SLC28A3: variants seen among roughly 807,000 people sequenced by gnomAD.
The protein encoded by SLC28A3 is concentrative Na(+)-nucleoside cotransporter 3.
SLC28A3 carries 68 observed loss-of-function variants against 84.2 expected under a neutral mutation model. The observed-to-expected ratio is 0.81, with a 90% CI of 0.66 to 0.99. The LOEUF is 0.99. Among genes scored for constraint, SLC28A3 ranks in the 50% least tolerant of loss-of-function variants. The pLI is 0.00. For synonymous variants in SLC28A3, 267 were observed against 303.6 expected (o/e 0.88, Z 1.25); for missense variants, 712 against 841.5 (o/e 0.85, Z 1.90).
chr9:84,331,276 C>T (rs969935692), intron 1 of SLC28A3, among the ~76,000 whole-genome samples: 4 of 152,130 alleles, frequency 2.6e-5, no homozygotes, highest in Admixed American at 6.6e-5. Flanking sequence ...AAGCTCCAGC[C>T]GAGCGCCTCT....
At chr9:84,303,831 A>T (rs1240985035) in intron 4 of SLC28A3, among the ~76,000 whole-genome samples, 2 of 152,224 alleles carry the variant, frequency 1.3e-5, no homozygotes, top group Non-Finnish European at 2.9e-5. Flanking sequence ...TGCTCCATAA[A>T]GAGGCACAAA....
intron 1 of SLC28A3, among the ~76,000 whole-genome samples, chr9:84,333,619 C>T (rs886692331): frequency 3.9e-5 from 6 of 152,184 alleles, no homozygotes; most frequent in African/African-American, 1.4e-4. Flanking sequence ...CATACTGCTA[C>T]ACACCCACCA....
Position 84,302,161 on chromosome 9 carries a change from A to C in SLC28A3, c.524+39T>G, listed in dbSNP as rs753850772. 2.5e-6 allele frequency: 4 copies of C among 1,592,268 alleles called. No homozygotes were observed. In the Admixed American group the frequency reaches 5.2e-5, roughly 21 times the overall value. On this transcript the variant is annotated intron_variant, in intron 5 of 17. Transcript: ENST00000376238. ...TGAAACGGTGTTGGAAAGGACTACT[A>C]TCTCTCTTAACTGAAATAAGAGAAC...
chr9:84,312,348 G>T (rs1393682349), intron 2 of SLC28A3, among the ~76,000 whole-genome samples: 1 of 152,092 alleles, frequency 6.6e-6, no homozygotes, highest in East Asian at 1.9e-4. Flanking sequence ...ATGCATGTGG[G>T]TGTATGTTTG....
chr9:84,353,696 C>T, the SLC28A3 span, among the ~76,000 whole-genome samples: 4 of 152,140 alleles, frequency 2.6e-5, no homozygotes, highest in African/African-American at 7.2e-5. Context: ...GGTGACAGAG[C>T]AAGACTCTGT....
At chr9:84,278,921 G>T (rs1448918089) in intron 17 of SLC28A3, among the ~76,000 whole-genome samples, 1 of 151,404 alleles carries the variant, frequency 6.6e-6, no homozygotes, top group Non-Finnish European at 1.5e-5. Context: ...TACAGTAGTT[G>T]CAAGGTTTAA....
intron 10 of SLC28A3, among the ~76,000 whole-genome samples, chr9:84,292,322 A>C (rs555608824): frequency 3.3e-5 from 5 of 152,338 alleles, no homozygotes; most frequent in African/African-American, 9.6e-5. Context: ...TTTATTGAGA[A>C]TCTATATGAG....
rs1824516968 is a variant in SLC28A3 at position 84,276,051 on chromosome 9, A to AAAT, written c.*2164_*2166dup. On this transcript the variant is annotated 3_prime_UTR_variant, in exon 18 of 18. Transcript: ENST00000376238. ...CCAATATGGTAGCCACTAATACCTG[A>AAAT]AATATGGAGTAACCAAGTAACAAAT... is the stretch of plus-strand genomic sequence containing the variant. 2 of 152,292 alleles carry AAAT rather than the reference A, an allele frequency of 1.3e-5. No homozygotes were observed. The highest frequency in any genetic ancestry group is 4.8e-5 in the African/African-American group (2 of 41,542). 9.4% of individuals were successfully genotyped at this position (152,292 alleles called of 1,614,324 possible). A position where few individuals can be genotyped will look rare whatever the true frequency, so the allele number is the denominator to read the frequency against.
At chr9:84,279,890 G>T in intron 16 of SLC28A3, 85 bp downstream of exon 16, 2 of 1,310,518 alleles carry the variant, frequency 1.5e-6, no homozygotes, top group East Asian at 2.4e-5. Flanking sequence ...AGCGTGTGCT[G>T]CACATGCAAG....
intron 7 of SLC28A3, 33 bp downstream of exon 7, chr9:84,297,873 T>G: frequency 6.4e-7 from 1 of 1,562,234 alleles, no homozygotes; most frequent in Non-Finnish European, 8.7e-7. Flanking sequence ...AAAAGCACCA[T>G]AAAAGCAAAG....
At chr9:84,360,159 G>A in the SLC28A3 span, among the ~76,000 whole-genome samples, 2 of 152,088 alleles carry the variant, frequency 1.3e-5, no homozygotes, top group African/African-American at 4.8e-5. Flanking sequence ...TGACCCTTAA[G>A]GCATTTGTGT....
intron 1 of SLC28A3, among the ~76,000 whole-genome samples, chr9:84,327,096 T>C (rs1826590295): frequency 6.6e-6 from 1 of 151,932 alleles, no homozygotes; most frequent in Non-Finnish European, 1.5e-5. Context: ...TAAGATAAAA[T>C]AAAATTAGGA....
At chr9:84,297,879 C>A in intron 7 of SLC28A3, 27 bp downstream of exon 7, 1 of 1,567,784 alleles carries the variant, frequency 6.4e-7, no homozygotes, top group Non-Finnish European at 8.6e-7. Flanking sequence ...ACCATAAAAG[C>A]AAAGTGTTCT....
At chr9:84,343,852 A>C (rs950368684), upstream of SLC28A3, among the ~76,000 whole-genome samples, 1 of 152,186 alleles carries the variant, frequency 6.6e-6, no homozygotes, top group Non-Finnish European at 1.5e-5. Flanking sequence ...ACACTTTGGG[A>C]AGCCAAGATG....
chr9:84,278,470 G>A (rs1824606738), intron 17 of SLC28A3, 126 bp from the exon 18 acceptor site: 2 of 1,257,542 alleles, frequency 1.6e-6, no homozygotes, highest in Non-Finnish European at 1.1e-6. Flanking sequence ...TCTGGTTAGG[G>A]TGGATTAAAG....
chr9:84,302,307 G>A lies in SLC28A3; in HGVS notation c.417C>T (p.Ile139=), dbSNP rs1020023538. The A allele has an allele frequency of 1.5e-5, 25 of 1,614,150 alleles. No individual in the cohort carries two copies. Among genetic ancestry groups the A allele is most frequent in the Non-Finnish European group, 2.1e-5 (25 of 1,180,016 alleles). The change falls in exon 5 of 18, where the codon ATC becomes ATT. Residue 139 remains isoleucine, a synonymous_variant. Coordinates refer to ENST00000376238, the MANE Select transcript of SLC28A3 (RefSeq NM_001199633.2). Reference sequence around the variant, plus strand: ...TCAGGTGATCCCAGACAACAAAGAAGATGGCAGCCACGGTGATCACAAAAA... The same window carrying A: ...TCAGGTGATCCCAGACAACAAAGAAAATGGCAGCCACGGTGATCACAAAAA... ...LPLFVITVAA[I]FFVVWDHLMA... is the part of the protein sequence containing the mutation.
At chr9:84,278,404 G>A (rs1824602983) in intron 17 of SLC28A3, 60 bp from the exon 18 acceptor site, 6 of 1,602,116 alleles carry the variant, frequency 3.7e-6, no homozygotes, top group Non-Finnish European at 5.1e-6. Flanking sequence ...CAGTAGGTGA[G>A]CAGACAATGA....
the SLC28A3 span, among the ~76,000 whole-genome samples, chr9:84,366,254 C>T: frequency 2.0e-5 from 3 of 152,034 alleles, no homozygotes; most frequent in African/African-American, 7.2e-5. Context: ...CTATTTCAAT[C>T]TCTGTGTTAA....
At chr9:84,328,519 G>C (rs1014159784) in intron 1 of SLC28A3, among the ~76,000 whole-genome samples, 2 of 152,188 alleles carry the variant, frequency 1.3e-5, no homozygotes, top group African/African-American at 4.8e-5. Context: ...AGCACTTTGG[G>C]AGGCTGAGGC....
Sources: gnomAD v4.1 joint callset for allele counts (sites outside exome capture counted in the v4.1 genomes callset) on GRCh38, gnomAD v4.1.1 for gene constraint, MANE v1.5 for transcripts, NCBI Gene and HGNC (gene_info 2026-07-23, HGNC 2026-07-21) for gene names.